The following ARSJ variants were observed in gnomAD, a reference collection of about 807,000 sequenced individuals.
ARSJ encodes arylsulfatase J.
In ARSJ, 26 loss-of-function variants were observed where a neutral mutation model predicts 35.9. That is an observed-to-expected ratio of 0.72 (90% CI 0.53 to 1.00). The LOEUF (loss-of-function observed/expected upper bound fraction) is 1.00, where lower values mean the gene tolerates loss of function less well. ARSJ is among the 50% of genes least tolerant of loss of function. The pLI is 0.00. For synonymous variants in ARSJ, 294 were observed against 267.6 expected, an observed-to-expected ratio of 1.10 and a Z score of -0.96; for missense variants, 667 against 723.6, an observed-to-expected ratio of 0.92 and a Z score of 0.90.
chr4:113,917,945 C>T (rs781147821), intron 1 of ARSJ, among the ~76,000 whole-genome samples: 33 of 152,052 alleles, frequency 2.2e-4, no homozygotes, highest in Admixed American at 4.6e-4. Flanking sequence ...ATGTGAGGTA[C>T]GCAACATAAT....
intron 1 of ARSJ, among the ~76,000 whole-genome samples, chr4:113,971,607 G>T (rs1010848711): frequency 2.0e-5 from 3 of 152,160 alleles, no homozygotes; most frequent in Non-Finnish European, 4.4e-5. Context: ...AGGTGTCAAA[G>T]CCACCCTCTC....
chr4:113,958,581 AT>A (rs1181745045), intron 1 of ARSJ, among the ~76,000 whole-genome samples: 1 of 151,916 alleles, frequency 6.6e-6, no homozygotes, highest in African/African-American at 2.4e-5. Flanking sequence ...TAGATTGGTT[AT>A]TTTTTTCTCT....
intron 1 of ARSJ, among the ~76,000 whole-genome samples, chr4:113,917,470 G>T (rs1723385076): frequency 6.6e-6 from 1 of 152,038 alleles, no homozygotes; most frequent in Non-Finnish European, 1.5e-5. Flanking sequence ...AAAAGTGCAA[G>T]GATTAGCTAA....
chr4:113,942,109 T>C (rs13126699), intron 1 of ARSJ, among the ~76,000 whole-genome samples: 54,660 of 151,424 alleles, frequency 0.36, 10,602 homozygotes, highest in African/African-American at 0.51. Flanking sequence ...CCCAAGAGTG[T>C]AAGAACGGTC....
intron 1 of ARSJ, among the ~76,000 whole-genome samples, chr4:113,961,590 T>C (rs771250931): frequency 2.0e-5 from 3 of 152,082 alleles, no homozygotes; most frequent in Non-Finnish European, 4.4e-5. Flanking sequence ...CCATAAACTG[T>C]TTAGTGAGTA....
At chr4:113,929,491 G>A (rs897404464) in intron 1 of ARSJ, among the ~76,000 whole-genome samples, 1 of 152,110 alleles carries the variant, frequency 6.6e-6, no homozygotes, top group Non-Finnish European at 1.5e-5. Flanking sequence ...TGGCAACAAA[G>A]GTTCATCAGA....
chr4:113,955,123 C>T (rs917106235), intron 1 of ARSJ, among the ~76,000 whole-genome samples: 3 of 151,234 alleles, frequency 2.0e-5, no homozygotes, highest in Non-Finnish European at 4.4e-5. Context: ...CTTTTAACAT[C>T]AGCAGAAGAT....
intron 1 of ARSJ, among the ~76,000 whole-genome samples, chr4:113,948,826 C>T (rs1201115920): frequency 6.6e-6 from 1 of 152,058 alleles, no homozygotes; most frequent in Non-Finnish European, 1.5e-5. Flanking sequence ...TGGCTTTGTT[C>T]TTGGAATTTT....
chr4:113,912,247 G>A (rs1480343870), intron 1 of ARSJ, among the ~76,000 whole-genome samples: 1 of 152,176 alleles, frequency 6.6e-6, no homozygotes, highest in Non-Finnish European at 1.5e-5. Context: ...AAAAGAGTCT[G>A]AGGTAAATCA....
At position 113,949,405 on chromosome 4, in the gene ARSJ, G is replaced by A. The variant is rs535091411; in HGVS notation, c.398+29032C>T. ...TTCCCTAGCACTTTTTTTCTGGCTA[G>A]AATTGAAGATCTGGTGAGTACCAGA... On this transcript the variant is annotated intron_variant, in intron 1 of 1. Coordinates refer to ENST00000315366, the MANE Select transcript of ARSJ (RefSeq NM_024590.4). Among the ~76,000 whole-genome samples, 3 of 152,064 alleles carry A rather than the reference G, an allele frequency of 2.0e-5. No individual in the cohort carries two copies. In the South Asian group the frequency reaches 6.2e-4, roughly 32 times the overall value.
chr4:113,978,636 C>T lies in ARSJ; in HGVS notation c.199G>A (p.Glu67Lys). The T allele has an allele frequency of 6.2e-7, 1 of 1,614,164 alleles. No homozygotes were observed. The highest frequency in any genetic ancestry group is 8.5e-7 in the Non-Finnish European group (1 of 1,180,010). The change falls in exon 1 of 2, where the codon GAG (glutamate) becomes AAG (lysine). Residue 67 changes from glutamate (E) to lysine (K), a missense_variant. Glu to Lys is a moderately conservative substitution (Grantham distance 56, BLOSUM62 1). Coordinates refer to ENST00000315366, the MANE Select transcript of ARSJ (RefSeq NM_024590.4). ...ALLAQAGEKL[E>K]PSTTSTSQPH... ...TGGGAGGTGGAAGTTGTGCTGGGCT[C>T]TAGTTTCTCTCCAGCTTGAGCTAGT...
At chr4:113,910,985 G>C (rs944988362) in intron 1 of ARSJ, among the ~76,000 whole-genome samples, 1 of 152,178 alleles carries the variant, frequency 6.6e-6, no homozygotes, top group Non-Finnish European at 1.5e-5. Flanking sequence ...GCATTCAGGA[G>C]TATCTGGGTG....
intron 1 of ARSJ, among the ~76,000 whole-genome samples, chr4:113,977,158 C>T (rs1727638134): frequency 6.6e-6 from 1 of 152,076 alleles, no homozygotes; most frequent in Non-Finnish European, 1.5e-5. Context: ...ACCTCTAGGC[C>T]ACCAGATGGA....
intron 1 of ARSJ, among the ~76,000 whole-genome samples, chr4:113,907,907 G>A (rs958898144): frequency 5.9e-5 from 9 of 152,100 alleles, no homozygotes; most frequent in Admixed American, 1.3e-4. Flanking sequence ...TGAACACAAA[G>A]AAGGGAACAA....
chr4:113,928,723 C>T (rs535021767), intron 1 of ARSJ, among the ~76,000 whole-genome samples: 1 of 152,264 alleles, frequency 6.6e-6, no homozygotes, highest in South Asian at 2.1e-4. Context: ...ACTGTGGTTC[C>T]CACTGTTAGA....
At chr4:113,916,580 C>T (rs1723317746) in intron 1 of ARSJ, among the ~76,000 whole-genome samples, 1 of 152,068 alleles carries the variant, frequency 6.6e-6, no homozygotes, top group Non-Finnish European at 1.5e-5. Flanking sequence ...CTTCCTCCCC[C>T]TTCTGCTCTA....
chr4:113,956,261 T>A (rs1726173083), intron 1 of ARSJ, among the ~76,000 whole-genome samples: 1 of 152,056 alleles, frequency 6.6e-6, no homozygotes, highest in African/African-American at 2.4e-5. Context: ...AAACCCATAA[T>A]AATAAAGAGC....
At chr4:113,913,308 T>C (rs1723061514) in intron 1 of ARSJ, among the ~76,000 whole-genome samples, 1 of 152,206 alleles carries the variant, frequency 6.6e-6, no homozygotes, top group Admixed American at 6.5e-5. Flanking sequence ...ACAATTTTCC[T>C]GGTCTCTTTG....
Position 113,902,058 on chromosome 4 carries a change from T to A in ARSJ, c.*216A>T. ...GCAAGAGAAATAAACATCTCCACTCTCTCTAAGTGTGGCTTGCAAGAGTAG... is the reference window on the plus strand; with the variant it reads ...GCAAGAGAAATAAACATCTCCACTCACTCTAAGTGTGGCTTGCAAGAGTAG... On this transcript the variant is annotated 3_prime_UTR_variant, in exon 2 of 2. Coordinates refer to ENST00000315366, the MANE Select transcript of ARSJ (RefSeq NM_024590.4). The A allele has an allele frequency of 2.8e-6, 4 of 1,439,424 alleles. No individual in the cohort carries two copies. Among genetic ancestry groups the A allele is most frequent in the Non-Finnish European group, 3.7e-6 (4 of 1,069,068 alleles). 89.2% of individuals were successfully genotyped at this position (1,439,424 alleles called of 1,614,324 possible). A position where few individuals can be genotyped will look rare whatever the true frequency, so the allele number is the denominator to read the frequency against.
Sources: allele counts gnomAD v4.1 joint callset (sites outside exome capture counted in the v4.1 genomes callset), GRCh38; gene constraint gnomAD v4.1.1; transcripts MANE v1.5; gene names NCBI Gene and HGNC (gene_info 2026-07-23, HGNC 2026-07-21).